Variants in DCC observed in about 807,000 individuals in gnomAD.
DCC encodes the protein DCC netrin 1 receptor, also known as netrin receptor DCC.
In DCC, 58 loss-of-function variants were observed where a neutral mutation model predicts 172.5. The observed-to-expected ratio is 0.34, with a 90% CI of 0.27 to 0.42. The LOEUF is 0.42. Among genes scored for constraint, DCC ranks in the 10% least tolerant of loss-of-function variants. The pLI is 1.00. For missense variants in DCC, 1,740 were observed against 1,791.0 expected (o/e 0.97, Z 0.51); for synonymous variants, 709 against 644.5 (o/e 1.10, Z -1.52).
At chr18:52,368,237 G>A (rs907574590) in intron 1 of DCC, among the ~76,000 whole-genome samples, 1 of 152,142 alleles carries the variant, frequency 6.6e-6, no homozygotes, top group East Asian at 1.9e-4. Context: ...TGAGTGTCTT[G>A]AACTATTTAT....
intron 5 of DCC, among the ~76,000 whole-genome samples, chr18:53,047,903 A>ATG (rs35014270): frequency 0.017 from 2,454 of 146,862 alleles, 18 homozygotes; most frequent in South Asian, 0.022. Context: ...TTCCTTCGAG[A>ATG]TGTGTGTGTG....
At position 53,474,115 on chromosome 18, in the gene DCC, A is replaced by G. The variant is rs115955945; in HGVS notation, c.3736+6105A>G. 7.6e-3 allele frequency among the ~76,000 whole-genome samples: 1,165 copies of G among 152,294 alleles called. 15 individuals carry two copies. The highest frequency in any genetic ancestry group is 0.027 in the African/African-American group (1,120 of 41,564). On this transcript the variant is annotated intron_variant, in intron 25 of 28. Coordinates refer to ENST00000442544, the MANE Select transcript of DCC (RefSeq NM_005215.4). ...TTTATAAGAATATTCTGATTCAGCA[A>G]TTCCATTCCTAGATATATTCTACTC... is the stretch of plus-strand genomic sequence containing the variant.
intron 5 of DCC, among the ~76,000 whole-genome samples, chr18:53,008,504 G>C (rs998059158): frequency 6.6e-6 from 1 of 151,946 alleles, no homozygotes; most frequent in African/African-American, 2.4e-5. Context: ...TCTACGTAAC[G>C]GGTTCTTGCA....
At chr18:53,083,115 A>G (rs1352154805) in intron 7 of DCC, among the ~76,000 whole-genome samples, 2 of 152,096 alleles carry the variant, frequency 1.3e-5, no homozygotes, top group Non-Finnish European at 2.9e-5. Flanking sequence ...CAAAACATCT[A>G]TTATTCTCTG....
At chr18:53,509,811 TGTTTTGTTTTTCAA>T (rs1334667145) in intron 27 of DCC, among the ~76,000 whole-genome samples, 1 of 152,214 alleles carries the variant, frequency 6.6e-6, no homozygotes, top group Non-Finnish European at 1.5e-5. Flanking sequence ...GTTTTTCTTT[TGTTTTGTTTTTCAA>T]GATCAGTTCC....
intron 1 of DCC, among the ~76,000 whole-genome samples, chr18:52,706,445 T>C (rs17682387): frequency 0.049 from 7,494 of 152,288 alleles, 244 homozygotes; most frequent in Middle Eastern, 0.13. Context: ...TGTAACTAGG[T>C]TTCTCTTATT....
chr18:53,103,014 G>C (rs1462758515), intron 7 of DCC, among the ~76,000 whole-genome samples: 1 of 152,078 alleles, frequency 6.6e-6, no homozygotes, highest in African/African-American at 2.4e-5. Context: ...TAGTTGCTAA[G>C]GGATGGTTAG....
At chr18:52,933,533 G>A (rs561523331) in intron 5 of DCC, among the ~76,000 whole-genome samples, 1 of 152,156 alleles carries the variant, frequency 6.6e-6, no homozygotes, top group South Asian at 2.1e-4. Flanking sequence ...AGTGAATTAT[G>A]TGACTAAAGA....
chr18:52,746,579 C>A (rs578147191), intron 1 of DCC, among the ~76,000 whole-genome samples: 4 of 151,998 alleles, frequency 2.6e-5, no homozygotes, highest in African/African-American at 2.4e-5. Context: ...TTTGCCTCTG[C>A]GACTGAATGG....
chr18:53,378,246 C>A (rs983833240), intron 15 of DCC, among the ~76,000 whole-genome samples: 4 of 152,108 alleles, frequency 2.6e-5, no homozygotes, highest in Non-Finnish European at 4.4e-5. Context: ...CAGGTGTGAG[C>A]CCGACCCTGA....
intron 1 of DCC, among the ~76,000 whole-genome samples, chr18:52,497,231 A>C (rs1162357829): frequency 7.1e-6 from 1 of 139,876 alleles, no homozygotes; most frequent in East Asian, 2.1e-4. Flanking sequence ...ACTGCTCTCC[A>C]GCCTGGGTAA....
chr18:52,559,202 C>T (rs921196942), intron 1 of DCC, among the ~76,000 whole-genome samples: 1 of 152,200 alleles, frequency 6.6e-6, no homozygotes, highest in Non-Finnish European at 1.5e-5. Flanking sequence ...ACCTCCGCCT[C>T]CCAGGTTCAA....
chr18:53,096,743 A>G (rs942842368), intron 7 of DCC, among the ~76,000 whole-genome samples: 13 of 152,318 alleles, frequency 8.5e-5, no homozygotes, highest in Non-Finnish European at 1.9e-4. Flanking sequence ...GAAAAGAAGC[A>G]TTAAGCAGAG....
intron 1 of DCC, among the ~76,000 whole-genome samples, chr18:52,479,247 G>T (rs1415672730): frequency 6.6e-6 from 1 of 152,114 alleles, no homozygotes; most frequent in Admixed American, 6.5e-5. Context: ...TTCTTAAGAG[G>T]ATGGATTTAA....
chr18:53,511,847 G>A (rs2046258332), intron 27 of DCC, among the ~76,000 whole-genome samples: 1 of 151,992 alleles, frequency 6.6e-6, no homozygotes, highest in Non-Finnish European at 1.5e-5. Context: ...GCACAGCACG[G>A]CAGTCTGAGA....
intron 1 of DCC, among the ~76,000 whole-genome samples, chr18:52,654,468 G>A (rs957337575): frequency 5.3e-5 from 8 of 152,120 alleles, no homozygotes; most frequent in African/African-American, 1.9e-4. Flanking sequence ...TTACAGTTCT[G>A]GAGGCTGACA....
chr18:52,354,681 TG>T (rs1336394652), intron 1 of DCC, among the ~76,000 whole-genome samples: 5 of 152,176 alleles, frequency 3.3e-5, no homozygotes, highest in African/African-American at 1.2e-4. Context: ...ATTACCAAAT[TG>T]GTTTTTATAT....
intron 20 of DCC, 116 bp from the exon 21 acceptor site, chr18:53,416,008 A>G: frequency 1.3e-6 from 1 of 752,568 alleles, no homozygotes; most frequent in Non-Finnish European, 2.4e-6. Flanking sequence ...ATTTTATTTC[A>G]AGAGGGCACT....
At chr18:53,375,616 CTT>C (rs1555660824) in intron 15 of DCC, among the ~76,000 whole-genome samples, 36,851 of 122,482 alleles carry the variant, frequency 0.3, 5,425 homozygotes, top group Non-Finnish European at 0.41. Flanking sequence ...ATATTTAATT[CTT>C]TTTTTTTTTT....
Sources: gnomAD v4.1 joint callset for allele counts (sites outside exome capture counted in the v4.1 genomes callset) on GRCh38, gnomAD v4.1.1 for gene constraint, MANE v1.5 for transcripts, NCBI Gene and HGNC (gene_info 2026-07-23, HGNC 2026-07-21) for gene names.